Variants in GRIK4 observed in about 807,000 individuals in gnomAD.
GRIK4 encodes glutamate ionotropic receptor kainate type subunit 4, also known as glutamate receptor ionotropic, kainate 4.
A neutral mutation model predicts 104.9 loss-of-function variants in GRIK4; 40 were observed. The ratio of observed to expected loss-of-function variants is 0.38; its 90% CI spans 0.30 to 0.50. The LOEUF (loss-of-function observed/expected upper bound fraction) is 0.50, where lower values mean the gene tolerates loss of function less well. Among genes scored for constraint, GRIK4 ranks in the 20% least tolerant of loss-of-function variants. The pLI is 0.93. For missense variants in GRIK4, 1,047 were observed against 1,308.1 expected, an observed-to-expected ratio of 0.80 and a Z score of 3.08; for synonymous variants, 485 against 524.9, an observed-to-expected ratio of 0.92 and a Z score of 1.04.
At chr11:120,805,202 G>A (rs1264514484) in intron 4 of GRIK4, among the ~76,000 whole-genome samples, 1 of 152,180 alleles carries the variant, frequency 6.6e-6, no homozygotes, top group East Asian at 1.9e-4. Flanking sequence ...TGAACCCCCA[G>A]TCCAGTCCAC....
intron 3 of GRIK4, among the ~76,000 whole-genome samples, chr11:120,802,431 A>T (rs1952637250): frequency 6.6e-6 from 1 of 152,140 alleles, no homozygotes; most frequent in Non-Finnish European, 1.5e-5. Context: ...TGCAGACAGG[A>T]CCCCTAGTGG....
chr11:120,960,862 C>T, intron 16 of GRIK4, 47 bp from the exon 17 acceptor site: 1 of 1,536,538 alleles, frequency 6.5e-7, no homozygotes, highest in Non-Finnish European at 8.9e-7. Flanking sequence ...GCCAAGACTC[C>T]AGGGAGTGCC....
Position 120,834,263 on chromosome 11 carries a change from G to GGTGTGTGTGT in GRIK4, c.690+2261_690+2270dup, listed in dbSNP as rs141196181. On this transcript the variant is annotated intron_variant, in intron 7 of 20. Transcript: ENST00000527524. ...GTATGTTAATTAAAAACACTTTATA[G>GGTGTGTGTGT]GTGTGTGTGTGTGTGTGTGTGTGTG... is the stretch of plus-strand genomic sequence containing the variant. Among the ~76,000 whole-genome samples, 1,000 of 146,060 alleles carry GGTGTGTGTGT rather than the reference G, an allele frequency of 6.8e-3. 6 individuals are homozygous for GGTGTGTGTGT. Among genetic ancestry groups the GGTGTGTGTGT allele is most frequent in the Non-Finnish European group, 9.3e-3 (617 of 66,494 alleles).
At chr11:120,976,270 A>G (rs1461033028) in intron 19 of GRIK4, among the ~76,000 whole-genome samples, 2 of 152,246 alleles carry the variant, frequency 1.3e-5, no homozygotes, top group Non-Finnish European at 2.9e-5. Flanking sequence ...TGCAAAATTT[A>G]TCACATACCT....
At chr11:120,797,432 T>C (rs748355852) in intron 3 of GRIK4, among the ~76,000 whole-genome samples, 4 of 152,182 alleles carry the variant, frequency 2.6e-5, no homozygotes, top group Non-Finnish European at 5.9e-5. Context: ...CTCTCCTTCA[T>C]TCATCTGGTC....
chr11:120,633,113 G>A (rs1949351505), intron 1 of GRIK4, among the ~76,000 whole-genome samples: 1 of 152,154 alleles, frequency 6.6e-6, no homozygotes, highest in African/African-American at 2.4e-5. Flanking sequence ...AGAGCCACCA[G>A]CGCCATGCAG....
intron 11 of GRIK4, among the ~76,000 whole-genome samples, chr11:120,875,790 C>A (rs1015807656): frequency 1.3e-5 from 2 of 152,190 alleles, no homozygotes; most frequent in African/African-American, 4.8e-5. Context: ...CTCCCCACTC[C>A]TTTGCTCATT....
chr11:120,981,119 G>A lies in GRIK4; in HGVS notation c.2396-987G>A, dbSNP rs541126727. On this transcript the variant is annotated intron_variant, in intron 19 of 20. Coordinates refer to ENST00000527524, the MANE Select transcript of GRIK4 (RefSeq NM_014619.5). ...CGGGACACAAGAGACCCTCCTGGAT[G>A]AAAGATGCCTTTTGATTTCTGATTG... 7.2e-5 allele frequency among the ~76,000 whole-genome samples: 11 copies of A among 152,308 alleles called. No homozygotes were observed. The South Asian group carries it at 2.3e-3, about 32-fold the overall frequency.
intron 13 of GRIK4, among the ~76,000 whole-genome samples, chr11:120,930,830 G>T (rs909753333): frequency 4.6e-5 from 7 of 152,160 alleles, no homozygotes; most frequent in Non-Finnish European, 4.4e-5. Flanking sequence ...GTCTGGGAGA[G>T]GAGTGATGGA....
chr11:120,529,304 A>G (rs1333058104), intron 1 of GRIK4, among the ~76,000 whole-genome samples: 5 of 152,172 alleles, frequency 3.3e-5, no homozygotes, highest in Admixed American at 3.3e-4. Context: ...TTACAGGAGG[A>G]TCTTGCCAAA....
intron 3 of GRIK4, among the ~76,000 whole-genome samples, chr11:120,722,839 G>T (rs1197051360): frequency 1.3e-5 from 2 of 152,180 alleles, no homozygotes; most frequent in East Asian, 3.9e-4. Flanking sequence ...TTTCTATAAA[G>T]AAGTGGTGAA....
rs1331838560 is a variant in GRIK4, at chr11:120,952,264, G to C, written c.1591-591G>C. Among the ~76,000 whole-genome samples, 1 of 152,128 alleles carries C rather than the reference G, an allele frequency of 6.6e-6. No individual in the cohort carries two copies. The highest frequency in any genetic ancestry group is 2.4e-5 in the African/African-American group (1 of 41,422). ...GTCCCGGCTCTTCCATTTACGCACT[G>C]TGGAACCTCGGGCACATCTCTGACT... On this transcript the variant is annotated intron_variant, in intron 14 of 20. Coordinates refer to ENST00000527524, the MANE Select transcript of GRIK4 (RefSeq NM_014619.5). The surrounding 1 kb of genome is among the most constrained non-coding windows in gnomAD (Gnocchi z 5.2).
intron 6 of GRIK4, among the ~76,000 whole-genome samples, chr11:120,825,470 C>T (rs1450670080): frequency 6.6e-6 from 1 of 152,220 alleles, no homozygotes; most frequent in Non-Finnish European, 1.5e-5. Context: ...GTTTTCCTTT[C>T]CTCCCTTACT....
chr11:120,927,586 A>AAAAAG (rs1565444062), intron 13 of GRIK4, among the ~76,000 whole-genome samples: 1 of 95,590 alleles, frequency 1.0e-5, no homozygotes, highest in Non-Finnish European at 2.1e-5. Context: ...AAAAAAAAAA[A>AAAAAG]AAAGAAAGAA....
chr11:120,909,446 T>A (rs1232577548), intron 13 of GRIK4, among the ~76,000 whole-genome samples: 2 of 152,188 alleles, frequency 1.3e-5, no homozygotes, highest in African/African-American at 4.8e-5. Flanking sequence ...GCCTAGGATT[T>A]CTTCTTGGGG....
rs74866383 is a variant in GRIK4, at chr11:120,951,498, G to C, written c.1591-1357G>C. 1.9e-3 allele frequency among the ~76,000 whole-genome samples: 292 copies of C among 152,324 alleles called. 2 individuals carry two copies. The highest frequency in any genetic ancestry group is 6.7e-3 in the African/African-American group (280 of 41,564). ...TGACATGCCTTGATAGTGACAGTAG[G>C]TTGCGCCATGACTGATACAATTTTG... On this transcript the variant is annotated intron_variant, in intron 14 of 20. Transcript: ENST00000527524.
intron 11 of GRIK4, among the ~76,000 whole-genome samples, chr11:120,878,928 G>A (rs1246337750): frequency 6.6e-6 from 1 of 152,212 alleles, no homozygotes; most frequent in Non-Finnish European, 1.5e-5. Context: ...ATGCTGGGCA[G>A]GGGAGGAGAA....
chr11:120,597,295 C>T (rs1430766636), intron 1 of GRIK4, among the ~76,000 whole-genome samples: 2 of 152,256 alleles, frequency 1.3e-5, no homozygotes, highest in Non-Finnish European at 2.9e-5. Context: ...GCCTTCCCAC[C>T]ATGATGAGGA....
At position 120,876,206 on chromosome 11, in the gene GRIK4, CCAT is replaced by C. The variant is rs1002488387; in HGVS notation, c.1164+975_1164+977del. 2.4e-4 allele frequency among the ~76,000 whole-genome samples: 36 copies of C among 148,314 alleles called. No homozygotes were observed. In the South Asian group the frequency reaches 2.9e-3, roughly 12 times the overall value. On this transcript the variant is annotated intron_variant, in intron 11 of 20. Transcript: ENST00000527524. Reference sequence around the variant, plus strand: ...ATCATCATCACCACTACAACCACCACCATCATCATCATCACCACCACCACGATT... The same window carrying C: ...ATCATCATCACCACTACAACCACCACCATCATCATCACCACCACCACGATT...
Sources: gnomAD v4.1 joint callset for allele counts (sites outside exome capture counted in the v4.1 genomes callset) on GRCh38, gnomAD v4.1.1 for gene constraint, Gnocchi (gnomAD v3.1) non-coding constraint, MANE v1.5 for transcripts, NCBI Gene and HGNC (gene_info 2026-07-23, HGNC 2026-07-21) for gene names.